The following KCNQ3 variants were observed in gnomAD, a reference collection of about 807,000 sequenced individuals.
The protein encoded by KCNQ3 is potassium voltage-gated channel subfamily KQT member 3.
A neutral mutation model predicts 92.5 loss-of-function variants in KCNQ3; 30 were observed. That is an observed-to-expected ratio of 0.32 (90% CI 0.24 to 0.44). The LOEUF is 0.44. Ranked by LOEUF, KCNQ3 falls within the 20% of genes least tolerant of loss-of-function variation. The pLI, the probability that KCNQ3 is intolerant of heterozygous loss-of-function variation, is 1.00. For missense variants in KCNQ3, 913 were observed against 1,140.3 expected (o/e 0.80, Z 2.87); for synonymous variants, 450 against 468.8 (o/e 0.96, Z 0.52).
At chr8:132,372,504 C>T (rs1434043436) in intron 1 of KCNQ3, among the ~76,000 whole-genome samples, 1 of 152,034 alleles carries the variant, frequency 6.6e-6, no homozygotes, top group African/African-American at 2.4e-5. Flanking sequence ...ACCTGTAATC[C>T]CAGCACTTTG....
chr8:132,227,622 C>A (rs371567701), intron 1 of KCNQ3, among the ~76,000 whole-genome samples: 7 of 152,162 alleles, frequency 4.6e-5, no homozygotes, highest in Admixed American at 2.6e-4. Flanking sequence ...ATACAGAGGG[C>A]CTCTTTGGCC....
intron 1 of KCNQ3, among the ~76,000 whole-genome samples, chr8:132,371,466 AAGG>A (rs1308122209): frequency 1.3e-5 from 2 of 152,220 alleles, no homozygotes; most frequent in East Asian, 3.8e-4. Flanking sequence ...AGACTTCCCA[AAGG>A]AGGAGATGTC....
At chr8:132,319,159 A>T (rs1335123597) in intron 1 of KCNQ3, among the ~76,000 whole-genome samples, 2 of 152,230 alleles carry the variant, frequency 1.3e-5, no homozygotes, top group African/African-American at 4.8e-5. Context: ...TCATTTCTCC[A>T]TGGATCCCAG....
At chr8:132,189,146 CTTCT>C (rs2130204305) in intron 1 of KCNQ3, among the ~76,000 whole-genome samples, 1 of 152,262 alleles carries the variant, frequency 6.6e-6, no homozygotes, top group South Asian at 2.1e-4. Flanking sequence ...GCCCATGTGC[CTTCT>C]GTCTTGATGG....
At chr8:132,134,205 A>AAAGG in intron 13 of KCNQ3, 85 bp downstream of exon 13, 1 of 981,292 alleles carries the variant, frequency 1.0e-6, no homozygotes, top group East Asian at 2.4e-5. Flanking sequence ...TCACCCACAT[A>AAAGG]AAGGACCCCA....
intron 1 of KCNQ3, among the ~76,000 whole-genome samples, chr8:132,194,932 T>C (rs1383243724): frequency 2.6e-5 from 4 of 152,240 alleles, no homozygotes; most frequent in African/African-American, 9.6e-5. Context: ...ACTGTGCCAC[T>C]TTCTACTTTA....
chr8:132,134,750 A>ATT (rs200392171), intron 12 of KCNQ3, among the ~76,000 whole-genome samples: 1 of 146,350 alleles, frequency 6.8e-6, no homozygotes, highest in African/African-American at 2.5e-5. Context: ...GCATCTTGTT[A>ATT]TTTTTTTTTT....
chr8:132,469,531 A>G (rs1822251320), intron 1 of KCNQ3, among the ~76,000 whole-genome samples: 1 of 152,196 alleles, frequency 6.6e-6, no homozygotes. Context: ...ATCTTGGGCT[A>G]CCCAAAACCA....
chr8:132,247,358 G>A (rs1815213910), intron 1 of KCNQ3, among the ~76,000 whole-genome samples: 1 of 152,046 alleles, frequency 6.6e-6, no homozygotes, highest in Admixed American at 6.6e-5. Flanking sequence ...GACTCATTAG[G>A]GTCCCCCAGG....
At position 132,398,534 on chromosome 8, in the gene KCNQ3, G is replaced by A. The variant is rs530913129; in HGVS notation, c.386+81613C>T. ...CTCAAATGTCAAAATCTCATTTGGGGTGCCCGAAGAACTCAACATTTCATT... is the reference window on the plus strand; with the variant it reads ...CTCAAATGTCAAAATCTCATTTGGGATGCCCGAAGAACTCAACATTTCATT... On this transcript the variant is annotated intron_variant, in intron 1 of 14. Transcript: ENST00000388996. 2.0e-5 allele frequency among the ~76,000 whole-genome samples: 3 copies of A among 152,214 alleles called. No homozygotes were observed. The South Asian group carries it at 6.2e-4, about 32-fold the overall frequency.
At chr8:132,354,385 G>C (rs962593396) in intron 1 of KCNQ3, among the ~76,000 whole-genome samples, 1 of 152,322 alleles carries the variant, frequency 6.6e-6, no homozygotes, top group East Asian at 1.9e-4. Flanking sequence ...CCATAGGCCA[G>C]TTTATCCCTG....
intron 1 of KCNQ3, among the ~76,000 whole-genome samples, chr8:132,215,362 C>T (rs1813994816): frequency 6.6e-6 from 1 of 152,194 alleles, no homozygotes; most frequent in Non-Finnish European, 1.5e-5. Flanking sequence ...TTAACTATAG[C>T]TATTTATGCT....
At chr8:132,262,169 T>C (rs1268884401) in intron 1 of KCNQ3, among the ~76,000 whole-genome samples, 3 of 152,202 alleles carry the variant, frequency 2.0e-5, no homozygotes, top group Non-Finnish European at 4.4e-5. Flanking sequence ...ATGTCCATAA[T>C]AGGCAAATCT....
intron 1 of KCNQ3, among the ~76,000 whole-genome samples, chr8:132,266,891 C>T (rs1034623055): frequency 8.5e-5 from 13 of 152,140 alleles, no homozygotes; most frequent in South Asian, 2.1e-4. Flanking sequence ...AATCACCATA[C>T]GGTGTAAAGA....
At chr8:132,456,424 C>T (rs757567891) in intron 1 of KCNQ3, among the ~76,000 whole-genome samples, 1 of 151,756 alleles carries the variant, frequency 6.6e-6, no homozygotes, top group Non-Finnish European at 1.5e-5. Flanking sequence ...CATACAGTGA[C>T]ACTAATTAAT....
chr8:132,266,277 T>C (rs1815978176), intron 1 of KCNQ3, among the ~76,000 whole-genome samples: 2 of 152,214 alleles, frequency 1.3e-5, no homozygotes, highest in Admixed American at 6.5e-5. Context: ...ACGTAAATGA[T>C]GGAAGACTAA....
chr8:132,274,659 A>G (rs2130508684), intron 1 of KCNQ3, among the ~76,000 whole-genome samples: 1 of 152,324 alleles, frequency 6.6e-6, no homozygotes, highest in East Asian at 1.9e-4. Context: ...GATGTGACAC[A>G]TGCCAGGCTA....
At chr8:132,469,186 G>A (rs577986305) in intron 1 of KCNQ3, among the ~76,000 whole-genome samples, 29 of 152,294 alleles carry the variant, frequency 1.9e-4, no homozygotes, top group African/African-American at 6.0e-4. Flanking sequence ...TGAGGTATAC[G>A]GTTAATAGAT....
chr8:132,255,076 T>C (rs1055238797), intron 1 of KCNQ3, among the ~76,000 whole-genome samples: 10 of 152,136 alleles, frequency 6.6e-5, no homozygotes, highest in African/African-American at 2.4e-4. Context: ...CTTTGTTGCA[T>C]TTTAATTTGC....
Sources: gnomAD v4.1 joint callset for allele counts (sites outside exome capture counted in the v4.1 genomes callset) on GRCh38, gnomAD v4.1.1 for gene constraint, MANE v1.5 for transcripts, NCBI Gene and HGNC (gene_info 2026-07-23, HGNC 2026-07-21) for gene names.